HNF4A: variants seen among roughly 807,000 people sequenced by gnomAD.
HNF4A encodes hepatocyte nuclear factor 4 alpha, also known as hepatocyte nuclear factor 4-alpha.
In HNF4A, 15 loss-of-function variants were observed where a neutral mutation model predicts 52.4. That is an observed-to-expected ratio of 0.29 (90% confidence interval 0.19 to 0.44). The LOEUF is 0.44. Ranked by LOEUF, HNF4A falls within the 20% of genes least tolerant of loss-of-function variation. The probability of loss-of-function intolerance (pLI) is 1.00; values close to 1 mark genes in which losing one functional copy is unlikely to be tolerated. For synonymous variants in HNF4A, 280 were observed against 264.4 expected (o/e 1.06, Z -0.57); for missense variants, 479 against 647.2 (o/e 0.74, Z 2.82).
chr20:44,401,120 C>A (rs1352640897), upstream of HNF4A: 7 of 1,189,636 alleles, frequency 5.9e-6, no homozygotes, highest in Non-Finnish European at 6.8e-6. Context: ...CAACAAACAG[C>A]CAAATCCCTG....
intron 1 of HNF4A, among the ~76,000 whole-genome samples, chr20:44,358,248 GAAA>G (rs57044554): frequency 7.1e-5 from 8 of 113,308 alleles, no homozygotes; most frequent in Non-Finnish European, 9.9e-5. Context: ...GAAGGCTCCA[GAAA>G]AAAAAAAAAA....
Position 44,419,791 on chromosome 20 carries a change from T to A in HNF4A, c.807T>A (p.Leu269=). The A allele has an allele frequency of 6.2e-7, 1 of 1,614,134 alleles. No homozygotes were observed. Among genetic ancestry groups the A allele is most frequent in the Non-Finnish European group, 8.5e-7 (1 of 1,179,994 alleles). The change falls in exon 7 of 10, where the codon CTT becomes CTA. Residue 269 remains leucine, a synonymous_variant. Coordinates refer to ENST00000316099, the MANE Select transcript of HNF4A (RefSeq NM_000457.6). ...TGAGCCGGGTGTCCATACGCATCCTTGACGAGCTGGTGCTGCCCTTCCAGG... is the reference window on the plus strand; with the variant it reads ...TGAGCCGGGTGTCCATACGCATCCTAGACGAGCTGGTGCTGCCCTTCCAGG...
chr20:44,411,086 T>C (rs1309108737), intron 3 of HNF4A, among the ~76,000 whole-genome samples: 2 of 152,188 alleles, frequency 1.3e-5, no homozygotes, highest in African/African-American at 4.8e-5. Context: ...TGCCTTGGCC[T>C]AAGCTGTCAG....
At chr20:44,377,453 G>A (rs1476578467) in intron 1 of HNF4A, among the ~76,000 whole-genome samples, 1 of 152,026 alleles carries the variant, frequency 6.6e-6, no homozygotes, top group African/African-American at 2.4e-5. Context: ...TTGAAATAAC[G>A]GGCCAGGCAA....
intron 1 of HNF4A, among the ~76,000 whole-genome samples, chr20:44,362,292 C>T (rs549670740): frequency 7.2e-5 from 11 of 151,740 alleles, no homozygotes; most frequent in African/African-American, 1.2e-4. Flanking sequence ...TGGTGCCAGG[C>T]GCCTGTAATC....
In HNF4A at chr20:44,429,809, A is replaced by G. The variant is rs758563381; in HGVS notation, c.*144A>G. On this transcript the variant is annotated 3_prime_UTR_variant, in exon 10 of 10. Coordinates refer to ENST00000316099, the MANE Select transcript of HNF4A (RefSeq NM_000457.6). ...TGGGAAGGATGAAGGGCCCGAGAACATGGCCTAAGGGCCACATCCCACTGC... is the reference window on the plus strand; with the variant it reads ...TGGGAAGGATGAAGGGCCCGAGAACGTGGCCTAAGGGCCACATCCCACTGC... 1.1e-5 allele frequency: 9 copies of G among 849,564 alleles called. No individual in the cohort carries two copies. Among genetic ancestry groups the G allele is most frequent in the Non-Finnish European group, 1.3e-5 (7 of 535,928 alleles). The allele number at this position is 849,564 out of a possible 1,614,324, so 52.6% of individuals were successfully genotyped here.
At chr20:44,393,780 T>C (rs555268843) in intron 1 of HNF4A, among the ~76,000 whole-genome samples, 2 of 152,292 alleles carry the variant, frequency 1.3e-5, no homozygotes, top group South Asian at 4.1e-4. Context: ...TAATTCCCAA[T>C]TTACAGGTGA....
At chr20:44,386,427 G>A (rs950122117) in intron 1 of HNF4A, among the ~76,000 whole-genome samples, 9 of 151,930 alleles carry the variant, frequency 5.9e-5, no homozygotes, top group Admixed American at 2.0e-4. Context: ...TCAGCCTCCC[G>A]AAGTGCTGGG....
intron 1 of HNF4A, chr20:44,391,508 C>G (rs774803668): frequency 2.0e-5 from 3 of 152,306 alleles, no homozygotes; most frequent in Non-Finnish European, 4.4e-5. Flanking sequence ...GGCCGGGCTT[C>G]ATGGAAGGCC....
intron 1 of HNF4A, among the ~76,000 whole-genome samples, chr20:44,364,075 G>A (rs1281017837): frequency 6.6e-6 from 1 of 152,200 alleles, no homozygotes; most frequent in Non-Finnish European, 1.5e-5. Context: ...CTAAGAGTCA[G>A]GAAAGATGCT....
chr20:44,424,587 A>T lies in HNF4A; in HGVS notation c.1129+333A>T. ...TGTGTATATGCCCGTATGTGCGTGC[A>T]TGTGTATATAAAGCCTCACATTTTA... On this transcript the variant is annotated intron_variant, in intron 8 of 9. Coordinates refer to ENST00000316099, the MANE Select transcript of HNF4A (RefSeq NM_000457.6). 20 of 1,391,164 alleles carry T rather than the reference A, an allele frequency of 1.4e-5. No homozygotes were observed. In the South Asian group the frequency reaches 2.8e-4, roughly 20 times the overall value. 86.2% of individuals were successfully genotyped at this position (1,391,164 alleles called of 1,614,324 possible).
At chr20:44,404,153 G>A (rs925696838) in intron 1 of HNF4A, among the ~76,000 whole-genome samples, 2 of 152,172 alleles carry the variant, frequency 1.3e-5, no homozygotes, top group African/African-American at 2.4e-5. Context: ...ATGTGGAAAA[G>A]TTTTTATTTC....
chr20:44,381,118 T>G (rs892180122), intron 1 of HNF4A, among the ~76,000 whole-genome samples: 2 of 152,200 alleles, frequency 1.3e-5, no homozygotes, highest in African/African-American at 4.8e-5. Context: ...GGCTTAATAC[T>G]TCCAATGACG....
At chr20:44,410,466 C>A (rs1249945676) in intron 3 of HNF4A, among the ~76,000 whole-genome samples, 1 of 151,918 alleles carries the variant, frequency 6.6e-6, no homozygotes, top group Non-Finnish European at 1.5e-5. Context: ...GTATTCCTAG[C>A]TGTGCCTGTC....
intron 2 of HNF4A, 71 bp from the exon 3 acceptor site, chr20:44,407,310 C>A: frequency 8.7e-7 from 1 of 1,155,406 alleles, no homozygotes; most frequent in Non-Finnish European, 1.3e-6. Context: ...ACTGGATAGC[C>A]AGGGCCCTAG....
At chr20:44,418,651 T>C (rs995980303) in intron 6 of HNF4A, 139 bp downstream of exon 6, 17 of 674,976 alleles carry the variant, frequency 2.5e-5, no homozygotes, top group Non-Finnish European at 3.6e-5. Flanking sequence ...CAGGCTTGCA[T>C]TAGAGGGCTC....
Position 44,418,331 on chromosome 20 carries a change from G to C in HNF4A, c.649-94G>C, listed in dbSNP as rs550636705. 3 of 917,834 alleles carry C rather than the reference G, an allele frequency of 3.3e-6. No individual in the cohort carries two copies. In the East Asian group the frequency reaches 7.2e-5, roughly 22 times the overall value. 56.9% of individuals were successfully genotyped at this position (917,834 alleles called of 1,614,324 possible). ...AGTTCAGGCAGGTAGAGGCAGAGGGGAGCATTAAGCTGACTTGCCCAGCGT... is the reference window on the plus strand; with the variant it reads ...AGTTCAGGCAGGTAGAGGCAGAGGGCAGCATTAAGCTGACTTGCCCAGCGT... On this transcript the variant is annotated intron_variant, in intron 5 of 9. Transcript: ENST00000316099.
At chr20:44,380,040 G>A (rs1664904576) in intron 1 of HNF4A, among the ~76,000 whole-genome samples, 1 of 151,612 alleles carries the variant, frequency 6.6e-6, no homozygotes, top group African/African-American at 2.4e-5. Context: ...CCCACACCCA[G>A]ATAATTTTTA....
At chr20:44,411,112 T>G (rs1375128799) in intron 3 of HNF4A, among the ~76,000 whole-genome samples, 5 of 152,066 alleles carry the variant, frequency 3.3e-5, no homozygotes, top group Non-Finnish European at 2.9e-5. Flanking sequence ...GGACAAATAT[T>G]CGGCTCCTGG....
Sources: gnomAD v4.1 joint callset for allele counts (sites outside exome capture counted in the v4.1 genomes callset) on GRCh38, gnomAD v4.1.1 for gene constraint, MANE v1.5 for transcripts, NCBI Gene and HGNC (gene_info 2026-07-23, HGNC 2026-07-21) for gene names.